USO1: variants seen among roughly 807,000 people sequenced by gnomAD.
The protein encoded by USO1 is USO1 vesicle transport factor, also known as general vesicular transport factor p115.
Under a neutral mutation model 124.5 loss-of-function variants are expected in USO1, and 57 were observed. The observed-to-expected ratio is 0.46, with a 90% CI of 0.37 to 0.57. USO1 has a LOEUF of 0.57. Ranked by LOEUF, USO1 falls within the 20% of genes least tolerant of loss-of-function variation. The probability of loss-of-function intolerance (pLI) is 0.00; values close to 1 mark genes in which losing one functional copy is unlikely to be tolerated. For missense variants in USO1, 900 were observed against 1,040.6 expected, an observed-to-expected ratio of 0.86 and a Z score of 1.86; for synonymous variants, 369 against 362.8, an observed-to-expected ratio of 1.02 and a Z score of -0.19.
intron 4 of USO1, among the ~76,000 whole-genome samples, chr4:75,759,246 C>CTTTTTTTTTT (rs71208100): frequency 0.12 from 8,072 of 68,662 alleles, 1,823 homozygotes; most frequent in East Asian, 0.18. Context: ...TATTAAGGAC[C>CTTTTTTTTTT]TTTTTTTTTT....
chr4:75,749,282 T>C (rs1271998211), intron 1 of USO1, among the ~76,000 whole-genome samples: 1 of 152,190 alleles, frequency 6.6e-6, no homozygotes, highest in Non-Finnish European at 1.5e-5. Flanking sequence ...AAACATAATT[T>C]GGGAAATGCT....
chr4:75,796,780 G>T (rs1203910859), intron 13 of USO1, among the ~76,000 whole-genome samples: 1 of 151,016 alleles, frequency 6.6e-6, no homozygotes, highest in East Asian at 2.0e-4. Context: ...ACACTCTAGG[G>T]GCTCTGAAAA....
At chr4:75,804,377 T>C (rs1284602603) in intron 18 of USO1, 105 bp downstream of exon 18, 5 of 1,415,496 alleles carry the variant, frequency 3.5e-6, no homozygotes, top group Non-Finnish European at 4.6e-6. Context: ...TTTCTAACCT[T>C]AATCATGGTG....
intron 19 of USO1, among the ~76,000 whole-genome samples, chr4:75,805,833 A>G (rs1577974796): frequency 6.6e-6 from 1 of 151,986 alleles, no homozygotes; most frequent in Admixed American, 6.6e-5. Flanking sequence ...TTCCTGATCT[A>G]TAAAATGGTA....
chr4:75,774,838 T>A, intron 8 of USO1, 42 bp downstream of exon 8: 2 of 1,596,496 alleles, frequency 1.3e-6, no homozygotes, highest in Non-Finnish European at 1.7e-6. Context: ...CCTTTTGTAC[T>A]CACTGACTTG....
intron 4 of USO1, among the ~76,000 whole-genome samples, chr4:75,764,190 A>C (rs537720854): frequency 9.2e-5 from 14 of 152,354 alleles, no homozygotes; most frequent in Non-Finnish European, 1.9e-4. Flanking sequence ...AATTAAAGAT[A>C]TTAACTCTAC....
intron 21 of USO1, 81 bp downstream of exon 21, chr4:75,809,132 CAA>C: frequency 6.8e-7 from 1 of 1,468,654 alleles, no homozygotes; most frequent in Non-Finnish European, 9.0e-7. Context: ...TAAAAAGAAA[CAA>C]ATTCATCAGA....
chr4:75,777,787 C>G (rs1722112193), intron 8 of USO1, among the ~76,000 whole-genome samples: 1 of 152,198 alleles, frequency 6.6e-6, no homozygotes, highest in Non-Finnish European at 1.5e-5. Context: ...TTGGTGGTTT[C>G]TCACAAAGCT....
intron 9 of USO1, among the ~76,000 whole-genome samples, chr4:75,784,547 A>G (rs1311017331): frequency 6.6e-6 from 1 of 152,154 alleles, no homozygotes; most frequent in African/African-American, 2.4e-5. Context: ...AGGTGTGGTG[A>G]CTCACACCTA....
intron 20 of USO1, among the ~76,000 whole-genome samples, chr4:75,807,959 G>A (rs935958974): frequency 7.9e-5 from 12 of 152,024 alleles, no homozygotes; most frequent in African/African-American, 2.4e-4. Context: ...ATAGAAAACT[G>A]TAACTCATTT....
chr4:75,767,407 CTT>C (rs1721795438), intron 4 of USO1: 1 of 422,496 alleles, frequency 2.4e-6, no homozygotes, highest in Non-Finnish European at 4.7e-6. Flanking sequence ...AATTTGATGA[CTT>C]TTGATACATG....
intron 20 of USO1, among the ~76,000 whole-genome samples, chr4:75,806,816 A>G (rs1436161468): frequency 3.3e-5 from 5 of 152,296 alleles, no homozygotes; most frequent in South Asian, 2.1e-4. Flanking sequence ...CATGTTATTT[A>G]TAGATTATCA....
intron 11 of USO1, 39 bp from the exon 12 acceptor site, chr4:75,790,604 C>T (rs1015673146): frequency 1.9e-6 from 3 of 1,577,200 alleles, no homozygotes; most frequent in Non-Finnish European, 2.6e-6. Context: ...ACTTGGGTTG[C>T]AATGTTTCAT....
chr4:75,804,228 T>A lies in USO1; in HGVS notation c.2081T>A (p.Ile694Asn). ...QTAVTQQVSQIQQHKDQYNLL... is the reference protein window; with the variant it reads ...QTAVTQQVSQNQQHKDQYNLL... ...GCAGTCACACAGCAAGTATCACAGA[T>A]CCAGCAGCACAAAGACCAGTATAAT... is the stretch of plus-strand genomic sequence containing the variant. The change falls in exon 18 of 24, where the codon ATC (isoleucine) becomes AAC (asparagine). Residue 694 changes from isoleucine (I) to asparagine (N), a missense_variant. Physicochemically the swap from Ile to Asn is moderately radical, Grantham distance 149 (BLOSUM62 -3). Transcript: ENST00000514213. The A allele has an allele frequency of 6.2e-7, 1 of 1,613,610 alleles. No homozygotes were observed. Among genetic ancestry groups the A allele is most frequent in the Non-Finnish European group, 8.5e-7 (1 of 1,179,746 alleles).
Position 75,790,687 on chromosome 4 carries a change from A to G in USO1, c.1130A>G (p.Gln377Arg), listed in dbSNP as rs1464732628. ...VLLMSMVNERQPFVLRCAVLY... is the reference protein window; with the variant it reads ...VLLMSMVNERRPFVLRCAVLY... ...CTCATGTCCATGGTTAATGAAAGGC[A>G]GCCATTTGTTTTGCGCTGTGCTGTT... The change falls in exon 12 of 24, where the codon CAG becomes CGG. Residue 377 changes from glutamine to arginine, a missense_variant. Transcript: ENST00000514213. 2.5e-6 allele frequency: 4 copies of G among 1,612,850 alleles called. No homozygotes were observed. Among genetic ancestry groups the G allele is most frequent in the Non-Finnish European group, 3.4e-6 (4 of 1,179,536 alleles).
chr4:75,767,484 C>T (rs1721797375), intron 4 of USO1: 2 of 438,172 alleles, frequency 4.6e-6, no homozygotes. Context: ...GTGGCTCACG[C>T]CTGTAATCCC....
chr4:75,780,453 T>TA (rs1722186352), intron 8 of USO1, among the ~76,000 whole-genome samples: 1 of 151,222 alleles, frequency 6.6e-6, no homozygotes, highest in African/African-American at 2.4e-5. Context: ...TTTTTTTTTT[T>TA]AGTAGAGATG....
At chr4:75,742,091 G>C (rs1720979719) in intron 1 of USO1, among the ~76,000 whole-genome samples, 1 of 152,124 alleles carries the variant, frequency 6.6e-6, no homozygotes, top group Non-Finnish European at 1.5e-5. Flanking sequence ...ACCTGCCTGA[G>C]GCTGTTTTAC....
chr4:75,776,623 G>A (rs1722078303), intron 8 of USO1, among the ~76,000 whole-genome samples: 1 of 152,192 alleles, frequency 6.6e-6, no homozygotes, highest in Non-Finnish European at 1.5e-5. Flanking sequence ...TCACTAAGGT[G>A]CATGCTGGAA....
Sources: gnomAD v4.1 joint callset for allele counts (sites outside exome capture counted in the v4.1 genomes callset) on GRCh38, gnomAD v4.1.1 for gene constraint, MANE v1.5 for transcripts, NCBI Gene and HGNC (gene_info 2026-07-23, HGNC 2026-07-21) for gene names.